NAALADL2: variants seen among roughly 807,000 people sequenced by gnomAD.
NAALADL2 encodes N-acetylated alpha-linked acidic dipeptidase like 2.
Under a neutral mutation model 87.2 loss-of-function variants are expected in NAALADL2, and 76 were observed. The observed-to-expected ratio is 0.87, with a 90% CI of 0.72 to 1.05. The LOEUF is 1.05. NAALADL2 is among the 50% of genes least tolerant of loss of function. NAALADL2 has a pLI of 0.00. For missense variants in NAALADL2, 1,089 were observed against 945.8 expected (o/e 1.15, Z -1.99); for synonymous variants, 354 against 331.0 (o/e 1.07, Z -0.75).
At chr3:175,438,296 A>G (rs1486378026) in intron 5 of NAALADL2, among the ~76,000 whole-genome samples, 1 of 152,164 alleles carries the variant, frequency 6.6e-6, no homozygotes, top group African/African-American at 2.4e-5. Flanking sequence ...TACTGAAATA[A>G]TAAAGGATCA....
In NAALADL2 at chr3:175,803,077, AC is replaced by A; in HGVS notation, c.2266del (p.Ala757HisfsTer14). The A allele has an allele frequency of 3.7e-6, 6 of 1,612,350 alleles. No homozygotes were observed. The highest frequency in any genetic ancestry group is 1.1e-5 in the South Asian group (1 of 91,024). On this transcript the variant is annotated frameshift_variant, in exon 14 of 14. Coordinates refer to ENST00000454872, the MANE Select transcript of NAALADL2 (RefSeq NM_207015.3). LOFTEE classifies it high-confidence loss of function. ...TTATAGAGGCTTGGGAACACTGCAA[AC>A]CCCTTGCATCAAATGAGACCCTTCA... The part of the protein sequence containing the change: ...ILIEAWEHCK[P>X]LASNETLQEA...
chr3:175,161,810 C>T (rs550393215), intron 2 of NAALADL2, among the ~76,000 whole-genome samples: 9 of 152,172 alleles, frequency 5.9e-5, no homozygotes, highest in Admixed American at 3.9e-4. Flanking sequence ...CAATTAATGA[C>T]TTGGCGGTCT....
rs763865817 is a variant in NAALADL2 at position 175,749,462 on chromosome 3, T to C, written c.1991-5758T>C. Among the ~76,000 whole-genome samples, 338 of 152,200 alleles carry C rather than the reference T, an allele frequency of 2.2e-3. 2 individuals carry two copies. Among genetic ancestry groups the C allele is most frequent in the Non-Finnish European group, 2.9e-3 (195 of 68,004 alleles). ...AAGATCAAGGAGCTGGCAGGTTTAG[T>C]GCCTGGTAAGGGCCCAGTTTCTGCT... On this transcript the variant is annotated intron_variant, in intron 12 of 13. Coordinates refer to ENST00000454872, the MANE Select transcript of NAALADL2 (RefSeq NM_207015.3).
intron 3 of NAALADL2, among the ~76,000 whole-genome samples, chr3:174,813,279 A>G (rs1720420201): frequency 6.6e-6 from 1 of 152,004 alleles, no homozygotes; most frequent in African/African-American, 2.4e-5. Flanking sequence ...ATAAGCTAAA[A>G]AAAACACAAA....
intron 2 of NAALADL2, among the ~76,000 whole-genome samples, chr3:175,166,809 C>G (rs1350604804): frequency 2.0e-5 from 3 of 152,082 alleles, no homozygotes; most frequent in Non-Finnish European, 4.4e-5. Flanking sequence ...CATAGCTTCT[C>G]AAACTTTGCA....
intron 1 of NAALADL2, among the ~76,000 whole-genome samples, chr3:174,876,955 T>C (rs1322032914): frequency 6.6e-6 from 1 of 152,184 alleles, no homozygotes; most frequent in African/African-American, 2.4e-5. Context: ...GGCTTGCAGA[T>C]GGCCAACTTC....
chr3:174,958,761 C>T (rs1389083076), intron 1 of NAALADL2, among the ~76,000 whole-genome samples: 2 of 151,976 alleles, frequency 1.3e-5, no homozygotes, highest in Non-Finnish European at 2.9e-5. Flanking sequence ...TTGATGAATT[C>T]TTTCTATATT....
intron 4 of NAALADL2, among the ~76,000 whole-genome samples, chr3:175,305,767 C>T (rs2110259971): frequency 6.6e-6 from 1 of 152,286 alleles, no homozygotes; most frequent in African/African-American, 2.4e-5. Flanking sequence ...GGTGATCCAC[C>T]TGCCTCGGCC....
chr3:175,377,939 C>T (rs1189111300), intron 5 of NAALADL2, among the ~76,000 whole-genome samples: 4 of 151,938 alleles, frequency 2.6e-5, no homozygotes, highest in Non-Finnish European at 5.9e-5. Flanking sequence ...TGGCAATAAA[C>T]CCCGCCCCCT....
intron 10 of NAALADL2, among the ~76,000 whole-genome samples, chr3:175,597,941 A>G (rs961632342): frequency 1.3e-5 from 2 of 152,078 alleles, no homozygotes; most frequent in Non-Finnish European, 2.9e-5. Flanking sequence ...CTTAAAGAAT[A>G]TGAACATTAT....
chr3:175,458,155 A>G (rs184553202), intron 6 of NAALADL2, among the ~76,000 whole-genome samples: 4 of 152,190 alleles, frequency 2.6e-5, no homozygotes, highest in African/African-American at 9.6e-5. Context: ...TTATCAGCCA[A>G]TTCTCCAGAC....
intron 2 of NAALADL2, among the ~76,000 whole-genome samples, chr3:175,196,035 G>T (rs1219849599): frequency 6.6e-6 from 1 of 151,884 alleles, no homozygotes; most frequent in African/African-American, 2.4e-5. Context: ...GCCAAGGGTG[G>T]TGTTCAATAT....
intron 1 of NAALADL2, among the ~76,000 whole-genome samples, chr3:174,493,930 A>G (rs1718363929): frequency 6.6e-6 from 1 of 152,238 alleles, no homozygotes; most frequent in African/African-American, 2.4e-5. Context: ...GATACGAACA[A>G]GGTGTGCCGG....
At chr3:174,890,261 G>A (rs957798787) in intron 1 of NAALADL2, among the ~76,000 whole-genome samples, 2 of 152,198 alleles carry the variant, frequency 1.3e-5, no homozygotes, top group Non-Finnish European at 2.9e-5. Context: ...GGGTAAATTT[G>A]AAATGGAGAA....
chr3:174,551,982 T>G (rs1034108448), intron 2 of NAALADL2, among the ~76,000 whole-genome samples: 3 of 152,162 alleles, frequency 2.0e-5, no homozygotes, highest in African/African-American at 7.2e-5. Context: ...TGAGCTTCAG[T>G]TTTTTTCTAT....
At chr3:174,950,620 T>A (rs940448474) in intron 1 of NAALADL2, among the ~76,000 whole-genome samples, 2 of 152,258 alleles carry the variant, frequency 1.3e-5, no homozygotes, top group Admixed American at 6.5e-5. Context: ...AGCCTTTTTT[T>A]AAAATAGTCA....
chr3:174,666,962 C>T (rs776179490), intron 2 of NAALADL2, among the ~76,000 whole-genome samples: 1 of 152,074 alleles, frequency 6.6e-6, no homozygotes, highest in African/African-American at 2.4e-5. Flanking sequence ...TTTGTTTCAT[C>T]TAACATAGTG....
chr3:174,652,655 A>C (rs1181180300), intron 2 of NAALADL2, among the ~76,000 whole-genome samples: 2 of 152,274 alleles, frequency 1.3e-5, no homozygotes, highest in African/African-American at 4.8e-5. Flanking sequence ...CCCACAACAC[A>C]TGGGGATTAT....
At chr3:175,025,713 A>G (rs963124090) in intron 1 of NAALADL2, among the ~76,000 whole-genome samples, 1 of 152,220 alleles carries the variant, frequency 6.6e-6, no homozygotes, top group Non-Finnish European at 1.5e-5. Context: ...GGGAAAATAT[A>G]GAATCTGAAA....
Sources: gnomAD v4.1 joint callset for allele counts (sites outside exome capture counted in the v4.1 genomes callset) on GRCh38, gnomAD v4.1.1 for gene constraint, MANE v1.5 for transcripts, NCBI Gene and HGNC (gene_info 2026-07-23, HGNC 2026-07-21) for gene names.